Variants in HLCS observed in about 807,000 individuals in gnomAD.
HLCS encodes biotin--protein ligase.
Under a neutral mutation model 75.0 loss-of-function variants are expected in HLCS, and 53 were observed. The ratio of observed to expected loss-of-function variants is 0.71; its 90% CI spans 0.57 to 0.89. The LOEUF is 0.89. HLCS is among the 40% of genes least tolerant of loss of function. HLCS has a pLI of 0.00. For missense variants in HLCS, 966 were observed against 1,074.0 expected, an observed-to-expected ratio of 0.90 and a Z score of 1.41; for synonymous variants, 431 against 428.6, an observed-to-expected ratio of 1.01 and a Z score of -0.07.
At chr21:36,812,372 C>T (rs889560021) in intron 6 of HLCS, among the ~76,000 whole-genome samples, 1 of 152,144 alleles carries the variant, frequency 6.6e-6, no homozygotes, top group Non-Finnish European at 1.5e-5. Flanking sequence ...AGCTTTAATG[C>T]CCCCTATCCT....
chr21:36,960,554 T>C (rs2146658645), intron 2 of HLCS, among the ~76,000 whole-genome samples: 1 of 152,364 alleles, frequency 6.6e-6, no homozygotes, highest in Admixed American at 6.5e-5. Flanking sequence ...AGTCTCTCGC[T>C]ATCCTATACT....
intron 6 of HLCS, among the ~76,000 whole-genome samples, chr21:36,872,266 C>CA (rs965457362): frequency 2.6e-5 from 4 of 151,490 alleles, no homozygotes; most frequent in Non-Finnish European, 4.4e-5. Context: ...ACTAAAAATA[C>CA]AAAAAAATTA....
At chr21:36,932,439 C>T (rs1201753651) in intron 4 of HLCS, among the ~76,000 whole-genome samples, 1 of 152,138 alleles carries the variant, frequency 6.6e-6, no homozygotes, top group Admixed American at 6.5e-5. Context: ...GCCTTTCCTC[C>T]CACCCTCCTT....
rs779439814 is a variant in HLCS, at chr21:36,754,405, G to T, written c.2463C>A (p.Val821=). The T allele has an allele frequency of 2.5e-6, 4 of 1,612,510 alleles. No individual in the cohort carries two copies. Among genetic ancestry groups the T allele is most frequent in the Non-Finnish European group, 3.4e-6 (4 of 1,179,938 alleles). Residue 821 remains valine (V), a synonymous_variant, in exon 11 of 11, where the codon GTC becomes GTA. Coordinates refer to ENST00000674895, the MANE Select transcript of HLCS (RefSeq NM_001352514.2). ...YRYWVHSGQQ[V]HLGSAEGPKV... is the part of the protein sequence containing the mutation. The stretch of plus-strand genomic sequence containing the variant: ...TTGGTCCCTCTGCGCTGCCCAGATG[G>T]ACTTGCTGACCACTGAAAAGGAAGA...
At chr21:36,894,807 G>T (rs1278523585) in intron 6 of HLCS, among the ~76,000 whole-genome samples, 1 of 151,040 alleles carries the variant, frequency 6.6e-6, no homozygotes. Flanking sequence ...TTCAATGTCT[G>T]TCAAACACTT....
intron 6 of HLCS, among the ~76,000 whole-genome samples, chr21:36,894,295 C>T (rs1414342758): frequency 6.6e-6 from 1 of 152,194 alleles, no homozygotes. Flanking sequence ...ACTACCCAGT[C>T]TCAGTTCTTT....
chr21:36,983,152 G>A (rs148518148), intron 1 of HLCS, among the ~76,000 whole-genome samples: 9 of 152,196 alleles, frequency 5.9e-5, no homozygotes, highest in South Asian at 4.2e-4. Context: ...AGAATCTACC[G>A]CTCTTGCCTC....
At chr21:36,938,595 C>T (rs553417594) in intron 3 of HLCS, among the ~76,000 whole-genome samples, 2 of 152,320 alleles carry the variant, frequency 1.3e-5, no homozygotes, top group South Asian at 4.1e-4. Context: ...AACCTCCCAG[C>T]TCAAGTGATC....
chr21:36,951,257 C>T (rs1035758166), intron 2 of HLCS, among the ~76,000 whole-genome samples: 3 of 152,214 alleles, frequency 2.0e-5, no homozygotes, highest in African/African-American at 7.2e-5. Flanking sequence ...ATTCCAGCCC[C>T]TGCTTTCCCC....
chr21:36,902,992 T>C (rs763134382), intron 5 of HLCS, among the ~76,000 whole-genome samples: 2 of 152,006 alleles, frequency 1.3e-5, no homozygotes, highest in Non-Finnish European at 2.9e-5. Flanking sequence ...GTGATCCTGT[T>C]GGGGAGGAGA....
chr21:36,887,848 C>T (rs1279987590), intron 6 of HLCS, among the ~76,000 whole-genome samples: 1 of 152,190 alleles, frequency 6.6e-6, no homozygotes, highest in East Asian at 1.9e-4. Context: ...ATTCTTTGCT[C>T]ATTACCTATG....
chr21:36,970,586 C>T (rs2068756794), upstream of HLCS, among the ~76,000 whole-genome samples: 1 of 152,104 alleles, frequency 6.6e-6, no homozygotes, highest in African/African-American at 2.4e-5. Context: ...CCAGGCTTGT[C>T]TCGAACTCCT....
chr21:36,923,100 G>C (rs1398973634), intron 5 of HLCS, among the ~76,000 whole-genome samples: 2 of 152,196 alleles, frequency 1.3e-5, no homozygotes, highest in African/African-American at 2.4e-5. Context: ...CTGACCACAG[G>C]AGCCCTTTGA....
intron 6 of HLCS, among the ~76,000 whole-genome samples, chr21:36,800,877 A>G (rs1277576540): frequency 6.6e-6 from 1 of 152,042 alleles, no homozygotes; most frequent in Non-Finnish European, 1.5e-5. Flanking sequence ...GTTGGCTGCC[A>G]TTTCTAAGTG....
In HLCS at chr21:36,765,025, A is replaced by G; in HGVS notation, c.2108T>C (p.Ile703Thr). 3.1e-6 allele frequency: 5 copies of G among 1,614,234 alleles called. No homozygotes were observed. The highest frequency in any genetic ancestry group is 4.2e-6 in the Non-Finnish European group (5 of 1,180,028). The change falls in exon 8 of 11, where the codon ATT (isoleucine) becomes ACT (threonine). Residue 703 changes from isoleucine to threonine, a missense_variant. Ile to Thr is a moderately conservative substitution (Grantham distance 89). Transcript: ENST00000674895. ...SVAVVEAVRSIPEYQDINLRV... is the reference protein window; with the variant it reads ...SVAVVEAVRSTPEYQDINLRV... Reference sequence around the variant, plus strand: ...AACTGTACCTACCTGATACTCGGGAATGGACCTCACTGCTTCCACGACAGC... The same window carrying G: ...AACTGTACCTACCTGATACTCGGGAGTGGACCTCACTGCTTCCACGACAGC...
At chr21:36,784,806 A>C (rs545435210) in intron 6 of HLCS, among the ~76,000 whole-genome samples, 1 of 152,252 alleles carries the variant, frequency 6.6e-6, no homozygotes, top group African/African-American at 2.4e-5. Flanking sequence ...TTGGTGGCCA[A>C]GTTCATCAGT....
intron 6 of HLCS, among the ~76,000 whole-genome samples, chr21:36,888,779 G>C (rs547507844): frequency 6.6e-6 from 1 of 151,952 alleles, no homozygotes; most frequent in Non-Finnish European, 1.5e-5. Context: ...AAGGCTCAGG[G>C]AGGAGAGACT....
chr21:36,953,341 A>G (rs1305643887), intron 2 of HLCS, among the ~76,000 whole-genome samples: 1 of 152,162 alleles, frequency 6.6e-6, no homozygotes, highest in African/African-American at 2.4e-5. Flanking sequence ...TGAAGCTGAC[A>G]CTGGTGGAGT....
At chr21:36,864,435 T>A (rs1178009508) in intron 6 of HLCS, among the ~76,000 whole-genome samples, 1 of 151,952 alleles carries the variant, frequency 6.6e-6, no homozygotes, top group Non-Finnish European at 1.5e-5. Context: ...TTTCCTTTAG[T>A]CAAAAATTTG....
Sources: allele counts gnomAD v4.1 joint callset (sites outside exome capture counted in the v4.1 genomes callset), GRCh38; gene constraint gnomAD v4.1.1; transcripts MANE v1.5; gene names NCBI Gene and HGNC (gene_info 2026-07-23, HGNC 2026-07-21).